Variants in PTPRD observed in about 807,000 individuals in gnomAD.
The protein encoded by PTPRD is protein tyrosine phosphatase receptor type D.
PTPRD carries 34 observed loss-of-function variants against 214.5 expected under a neutral mutation model. That is an observed-to-expected ratio of 0.16 (90% CI 0.12 to 0.21). The LOEUF (loss-of-function observed/expected upper bound fraction) is 0.21, where lower values mean the gene tolerates loss of function less well. PTPRD is among the 10% of genes least tolerant of loss of function. The pLI is 1.00. For synonymous variants in PTPRD, 1,128 were observed against 845.7 expected, an observed-to-expected ratio of 1.33 and a Z score of -5.79; for missense variants, 2,545 against 2,398.7, an observed-to-expected ratio of 1.06 and a Z score of -1.27.
At chr9:8,353,626 G>A (rs1216729742) in intron 39 of PTPRD, among the ~76,000 whole-genome samples, 1 of 151,698 alleles carries the variant, frequency 6.6e-6, no homozygotes, top group African/African-American at 2.4e-5. Flanking sequence ...TAGAGATGGG[G>A]TTTCACTATG....
At chr9:8,648,169 T>C (rs1482614941) in intron 12 of PTPRD, among the ~76,000 whole-genome samples, 1 of 152,214 alleles carries the variant, frequency 6.6e-6, no homozygotes, top group African/African-American at 2.4e-5. Context: ...GGGAAATTTG[T>C]CATAATTCAA....
intron 9 of PTPRD, among the ~76,000 whole-genome samples, chr9:9,240,430 T>A (rs2099969782): frequency 6.6e-6 from 1 of 152,142 alleles, no homozygotes; most frequent in Non-Finnish European, 1.5e-5. Context: ...CCCAGCACTT[T>A]GGGAGGCCGA....
chr9:8,886,806 A>G (rs1003708903), intron 11 of PTPRD, among the ~76,000 whole-genome samples: 2 of 152,220 alleles, frequency 1.3e-5, no homozygotes, highest in Admixed American at 1.3e-4. Context: ...AAAATGCTTA[A>G]AAACTCTAAT....
intron 9 of PTPRD, among the ~76,000 whole-genome samples, chr9:9,315,606 T>A (rs1267368480): frequency 6.6e-6 from 1 of 151,928 alleles, no homozygotes; most frequent in African/African-American, 2.4e-5. Context: ...ATTCCCTAAA[T>A]ATACTGATTT....
chr9:9,475,670 C>G (rs1430291565), intron 8 of PTPRD, among the ~76,000 whole-genome samples: 1 of 152,156 alleles, frequency 6.6e-6, no homozygotes, highest in Non-Finnish European at 1.5e-5. Context: ...CTACAGATGT[C>G]CCTGACTAGA....
chr9:10,182,905 C>A (rs893058335), intron 3 of PTPRD, among the ~76,000 whole-genome samples: 2 of 152,114 alleles, frequency 1.3e-5, no homozygotes, highest in African/African-American at 4.8e-5. Flanking sequence ...TTAAATGACA[C>A]CATGTACTTG....
intron 12 of PTPRD, among the ~76,000 whole-genome samples, chr9:8,668,463 A>G (rs1287970237): frequency 6.6e-6 from 1 of 152,238 alleles, no homozygotes; most frequent in Non-Finnish European, 1.5e-5. Flanking sequence ...GGCAACTGCA[A>G]GATTAAGCCA....
chr9:9,046,005 T>C (rs1392358379), intron 10 of PTPRD, among the ~76,000 whole-genome samples: 4 of 152,200 alleles, frequency 2.6e-5, no homozygotes, highest in African/African-American at 2.4e-5. Flanking sequence ...TTGTTTGTTA[T>C]GTGCTAGAGA....
chr9:9,426,030 C>T (rs191063974), intron 8 of PTPRD, among the ~76,000 whole-genome samples: 4 of 152,118 alleles, frequency 2.6e-5, no homozygotes, highest in Middle Eastern at 3.4e-3. Context: ...GTACCAGGTT[C>T]GTCTCAATGG....
chr9:9,985,921 T>A (rs2095694778), intron 4 of PTPRD, among the ~76,000 whole-genome samples: 1 of 152,194 alleles, frequency 6.6e-6, no homozygotes, highest in African/African-American at 2.4e-5. Context: ...AACTAATGTA[T>A]AGGTAGAGTT....
At chr9:9,074,747 G>T (rs1197287440) in intron 10 of PTPRD, among the ~76,000 whole-genome samples, 1 of 151,294 alleles carries the variant, frequency 6.6e-6, no homozygotes, top group Non-Finnish European at 1.5e-5. Context: ...TGAGCTCCTT[G>T]TATATTCTGA....
chr9:8,740,443 A>T (rs1216246620), intron 11 of PTPRD, among the ~76,000 whole-genome samples: 3 of 152,222 alleles, frequency 2.0e-5, no homozygotes, highest in Non-Finnish European at 4.4e-5. Flanking sequence ...TTCGATTAAT[A>T]TTAGCGAGGG....
At chr9:10,293,264 A>G (rs920570678) in intron 3 of PTPRD, among the ~76,000 whole-genome samples, 1 of 151,956 alleles carries the variant, frequency 6.6e-6, no homozygotes, top group African/African-American at 2.4e-5. Flanking sequence ...TAGAAAAAAA[A>G]TTGGAAAAAT....
chr9:9,992,958 AAAAAT>A (rs1050894807), intron 4 of PTPRD, among the ~76,000 whole-genome samples: 9 of 146,786 alleles, frequency 6.1e-5, no homozygotes, highest in African/African-American at 1.5e-4. Flanking sequence ...ATAATAATAA[AAAAAT>A]AAAATAAAAT....
intron 34 of PTPRD, 32 bp from the exon 35 acceptor site, chr9:8,436,721 G>A (rs892304079): frequency 1.3e-6 from 2 of 1,511,224 alleles, no homozygotes; most frequent in Non-Finnish European, 1.8e-6. Flanking sequence ...AAACACATTT[G>A]AAAACAAATG....
chr9:9,362,799 T>C (rs1401775014), intron 9 of PTPRD, among the ~76,000 whole-genome samples: 1 of 151,372 alleles, frequency 6.6e-6, no homozygotes, highest in Non-Finnish European at 1.5e-5. Flanking sequence ...AGGCTTAACC[T>C]ATTGCCTTTT....
chr9:9,831,963 T>C (rs746134525), intron 5 of PTPRD, among the ~76,000 whole-genome samples: 2 of 152,000 alleles, frequency 1.3e-5, no homozygotes, highest in Non-Finnish European at 2.9e-5. Flanking sequence ...GGCATTTCAA[T>C]GTCAGACATT....
At chr9:10,553,391 A>G (rs1258370042) in intron 2 of PTPRD, among the ~76,000 whole-genome samples, 1 of 152,078 alleles carries the variant, frequency 6.6e-6, no homozygotes, top group East Asian at 1.9e-4. Flanking sequence ...TACAGGAAAA[A>G]AATCCTACAC....
intron 9 of PTPRD, among the ~76,000 whole-genome samples, chr9:9,355,223 T>C (rs966366613): frequency 1.3e-5 from 2 of 151,654 alleles, no homozygotes; most frequent in African/African-American, 2.4e-5. Flanking sequence ...ATATACCAAT[T>C]ATACCTCGAA....
Sources: gnomAD v4.1 joint callset for allele counts (sites outside exome capture counted in the v4.1 genomes callset) on GRCh38, gnomAD v4.1.1 for gene constraint, MANE v1.5 for transcripts, NCBI Gene and HGNC (gene_info 2026-07-23, HGNC 2026-07-21) for gene names.